The following NDUFA12 variants were observed in gnomAD, a reference collection of about 807,000 sequenced individuals.
NDUFA12 encodes the protein NADH dehydrogenase [ubiquinone] 1 alpha subcomplex subunit 12.
NDUFA12 carries 17 observed loss-of-function variants against 20.3 expected under a neutral mutation model. That is an observed-to-expected ratio of 0.84 (90% CI 0.57 to 1.26). NDUFA12 has a LOEUF of 1.26. Ranked by LOEUF, NDUFA12 falls within the 50% of genes most tolerant of loss-of-function variation. NDUFA12 has a pLI of 0.00. For synonymous variants in NDUFA12, 72 were observed against 63.6 expected (o/e 1.13, Z -0.63); for missense variants, 191 against 183.7 (o/e 1.04, Z -0.23).
chr12:94,983,263 G>C (rs1284478689), intron 3 of NDUFA12, among the ~76,000 whole-genome samples: 2 of 152,088 alleles, frequency 1.3e-5, no homozygotes, highest in African/African-American at 2.4e-5. Flanking sequence ...CTGCCTCCTG[G>C]TATTCACACC....
intron 3 of NDUFA12, among the ~76,000 whole-genome samples, chr12:94,985,824 C>A (rs1042533994): frequency 2.6e-5 from 4 of 152,022 alleles, no homozygotes; most frequent in African/African-American, 9.7e-5. Flanking sequence ...GTGGCTCACA[C>A]CTGTAATCCC....
chr12:94,990,147 A>G (rs1054886807), intron 3 of NDUFA12, among the ~76,000 whole-genome samples: 10 of 152,294 alleles, frequency 6.6e-5, no homozygotes, highest in Middle Eastern at 3.4e-3. Context: ...CCTAGGTGAT[A>G]GGATGATCTG....
intron 3 of NDUFA12, chr12:94,972,372 C>A: frequency 2.7e-6 from 1 of 372,180 alleles, no homozygotes; most frequent in Non-Finnish European, 5.6e-6. Context: ...CGTGGAAATG[C>A]ATTTTAGAAC....
intron 3 of NDUFA12, among the ~76,000 whole-genome samples, chr12:94,981,132 T>C (rs1874224593): frequency 6.6e-6 from 1 of 152,052 alleles, no homozygotes; most frequent in Admixed American, 6.6e-5. Flanking sequence ...GAAAAAGTAG[T>C]ATAGAATAGT....
intron 2 of NDUFA12, among the ~76,000 whole-genome samples, chr12:95,000,365 G>A (rs763984692): frequency 2.6e-5 from 4 of 151,918 alleles, no homozygotes; most frequent in Non-Finnish European, 4.4e-5. Context: ...AACACTGCTC[G>A]GGTGACAGAT....
chr12:94,990,097 T>G (rs1874587311), intron 3 of NDUFA12, among the ~76,000 whole-genome samples: 1 of 152,152 alleles, frequency 6.6e-6, no homozygotes. Context: ...TTGATGGTTC[T>G]AAACCTAAAA....
intron 3 of NDUFA12, among the ~76,000 whole-genome samples, chr12:94,977,562 T>G (rs1254125747): frequency 1.3e-5 from 2 of 151,780 alleles, no homozygotes; most frequent in Non-Finnish European, 2.9e-5. Context: ...AAAGGACAGG[T>G]TGAAATTGCA....
intron 3 of NDUFA12, among the ~76,000 whole-genome samples, chr12:94,990,415 A>T (rs1224528119): frequency 1.3e-5 from 2 of 152,098 alleles, no homozygotes; most frequent in African/African-American, 4.8e-5. Context: ...TTCTCACGGT[A>T]AGAACCAAAG....
At chr12:94,982,830 T>C (rs1452589741) in intron 3 of NDUFA12, among the ~76,000 whole-genome samples, 1 of 152,160 alleles carries the variant, frequency 6.6e-6, no homozygotes, top group African/African-American at 2.4e-5. Flanking sequence ...CGATTTTATA[T>C]TGCAATACTG....
Position 95,003,630 on chromosome 12 carries a change from G to A in NDUFA12, c.51C>T (p.His17=), listed in dbSNP as rs1387056044. ...LKRGLQQITG[H]GGLRGYLRVF... is the part of the protein sequence containing the mutation. ...CCCGTAGATAGCCTCGGAGACCGCC[G>A]TGGCCGGTGATCTGCTGCAGCCCGC... Residue 17 remains histidine (H), a synonymous_variant, in exon 1 of 4, where the codon CAC becomes CAT. Transcript: ENST00000327772. The A allele has an allele frequency of 1.2e-6, 2 of 1,614,162 alleles. No homozygotes were observed.
intron 3 of NDUFA12, among the ~76,000 whole-genome samples, chr12:94,986,682 C>T (rs1874455638): frequency 6.6e-6 from 1 of 151,898 alleles, no homozygotes; most frequent in South Asian, 2.1e-4. Context: ...GTCCCAGCTA[C>T]TTGGGAGGCT....
intron 2 of NDUFA12, among the ~76,000 whole-genome samples, chr12:95,001,128 G>A (rs947066668): frequency 6.6e-6 from 1 of 152,038 alleles, no homozygotes; most frequent in African/African-American, 2.4e-5. Flanking sequence ...AACAAAGTGA[G>A]ACCCCATCTC....
chr12:94,985,675 C>A (rs1380227507), intron 3 of NDUFA12, among the ~76,000 whole-genome samples: 3 of 146,370 alleles, frequency 2.0e-5, no homozygotes, highest in Non-Finnish European at 4.5e-5. Context: ...AGTACCCAGA[C>A]ATTTCTCAGA....
At chr12:95,000,901 C>T (rs1875001776) in intron 2 of NDUFA12, among the ~76,000 whole-genome samples, 1 of 152,336 alleles carries the variant, frequency 6.6e-6, no homozygotes, top group East Asian at 1.9e-4. Context: ...ACATATGTAA[C>T]AAACCTGCAC....
In NDUFA12 at chr12:94,971,478, T is replaced by A; in HGVS notation, c.400A>T (p.Ile134Phe). ...GTTGAAGGTGGGATCCACTCCTGAA[T>A]CTTCTTTCTAGTGGTAGAATAAGGT... ...YVPYSTTRKKIQEWIPPSTPY... is the reference protein window; with the variant it reads ...YVPYSTTRKKFQEWIPPSTPY... The change falls in exon 4 of 4, where the codon ATT becomes TTT. Residue 134 changes from isoleucine (I) to phenylalanine (F), a missense_variant. Transcript: ENST00000327772. 2.5e-6 allele frequency: 4 copies of A among 1,609,516 alleles called. No homozygotes were observed. The highest frequency in any genetic ancestry group is 3.4e-6 in the Non-Finnish European group (4 of 1,175,652).
In NDUFA12 at chr12:94,971,599, C is replaced by A; in HGVS notation, c.279G>T (p.Met93Ile). The A allele has an allele frequency of 6.2e-7, 1 of 1,614,076 alleles. No individual in the cohort carries two copies. Among genetic ancestry groups the A allele is most frequent in the South Asian group, 1.1e-5 (1 of 91,068 alleles). Residue 93 changes from methionine to isoleucine, a missense_variant, in exon 4 of 4, where the codon ATG becomes ATT. Met to Ile is a conservative substitution (Grantham distance 10). Coordinates refer to ENST00000327772, the MANE Select transcript of NDUFA12 (RefSeq NM_018838.5). The stretch of plus-strand genomic sequence containing the variant: ...GTTTTGTTGTTGGAGGATCATCAGT[C>A]ATACTGTGAAGCCAACGATGCCTTA... ...PPEWHRWLHSMTDDPPTTKPL... is the reference protein window; with the variant it reads ...PPEWHRWLHSITDDPPTTKPL...
intron 3 of NDUFA12, among the ~76,000 whole-genome samples, chr12:94,989,576 C>T (rs1209705628): frequency 6.6e-6 from 1 of 152,176 alleles, no homozygotes; most frequent in Non-Finnish European, 1.5e-5. Flanking sequence ...CATCACAAGC[C>T]GTGAAGCTTC....
chr12:94,994,905 A>G (rs1479396916), intron 2 of NDUFA12, among the ~76,000 whole-genome samples: 1 of 152,120 alleles, frequency 6.6e-6, no homozygotes, highest in African/African-American at 2.4e-5. Context: ...TTTGTCACTT[A>G]TTATCAGTGG....
At chr12:94,987,687 C>T (rs781712896) in intron 3 of NDUFA12, among the ~76,000 whole-genome samples, 11 of 150,396 alleles carry the variant, frequency 7.3e-5, no homozygotes, top group Admixed American at 1.3e-4. Flanking sequence ...TGTAATCCCA[C>T]CTACTTGGGA....
Sources: allele counts gnomAD v4.1 joint callset (sites outside exome capture counted in the v4.1 genomes callset), GRCh38; gene constraint gnomAD v4.1.1; transcripts MANE v1.5; gene names NCBI Gene and HGNC (gene_info 2026-07-23, HGNC 2026-07-21).